The following DCC variants were observed in gnomAD, a reference collection of about 807,000 sequenced individuals.
The protein encoded by DCC is DCC netrin 1 receptor.
Under a neutral mutation model 172.5 loss-of-function variants are expected in DCC, and 58 were observed. The ratio of observed to expected loss-of-function variants is 0.34; its 90% CI spans 0.27 to 0.42. The LOEUF (loss-of-function observed/expected upper bound fraction) is 0.42. DCC is among the 10% of genes least tolerant of loss of function. The pLI, the probability that DCC is intolerant of heterozygous loss-of-function variation, is 1.00. For missense variants in DCC, 1,740 were observed against 1,791.0 expected, an observed-to-expected ratio of 0.97 and a Z score of 0.51; for synonymous variants, 709 against 644.5, an observed-to-expected ratio of 1.10 and a Z score of -1.52.
At chr18:53,131,545 G>C (rs2043651285) in intron 7 of DCC, among the ~76,000 whole-genome samples, 1 of 152,114 alleles carries the variant, frequency 6.6e-6, no homozygotes, top group South Asian at 2.1e-4. Context: ...TGATGACCTG[G>C]CTTTGTGTGT....
chr18:52,624,240 A>G (rs1019068049), intron 1 of DCC, among the ~76,000 whole-genome samples: 2 of 152,222 alleles, frequency 1.3e-5, no homozygotes, highest in African/African-American at 2.4e-5. Context: ...AAAATTTCAT[A>G]TATAAATTAA....
intron 12 of DCC, among the ~76,000 whole-genome samples, chr18:53,255,807 GA>G (rs955960749): frequency 2.6e-4 from 39 of 152,104 alleles, no homozygotes; most frequent in Non-Finnish European, 4.4e-5. Flanking sequence ...CAAAATGGTT[GA>G]ACTAGTTTAC....
At chr18:53,144,009 A>T (rs1003516422) in intron 7 of DCC, among the ~76,000 whole-genome samples, 2 of 152,244 alleles carry the variant, frequency 1.3e-5, no homozygotes, top group Non-Finnish European at 2.9e-5. Flanking sequence ...AAGTTACAAT[A>T]GAATATTCAA....
rs75364764 is a variant in DCC at position 52,928,669 on chromosome 18, C to T, written c.985+3299C>T. Among the ~76,000 whole-genome samples, 54 of 152,246 alleles carry T rather than the reference C, an allele frequency of 3.5e-4. No individual in the cohort carries two copies. In the East Asian group the frequency reaches 9.1e-3, roughly 26 times the overall value. On this transcript the variant is annotated intron_variant, in intron 5 of 28. Transcript: ENST00000442544. ...TGAGACATTTATTTGTTACAGTATC[C>T]TCTGTGGGAAGTACGTAGGTCGAGC...
chr18:52,787,350 A>C (rs1352427386), intron 2 of DCC, among the ~76,000 whole-genome samples: 2 of 152,146 alleles, frequency 1.3e-5, no homozygotes, highest in Non-Finnish European at 2.9e-5. Flanking sequence ...ATGATAAACC[A>C]CATTTTGAGA....
intron 7 of DCC, among the ~76,000 whole-genome samples, chr18:53,132,510 T>C (rs2043673322): frequency 1.3e-5 from 2 of 152,154 alleles, no homozygotes; most frequent in African/African-American, 4.8e-5. Context: ...ATTGTTCTTT[T>C]TCAGATATAT....
At chr18:53,309,757 A>C (rs1599009751) in intron 13 of DCC, among the ~76,000 whole-genome samples, 1 of 152,052 alleles carries the variant, frequency 6.6e-6, no homozygotes, top group South Asian at 2.1e-4. Flanking sequence ...GCCCATTTGC[A>C]TCTTCATAGA....
At chr18:53,026,433 C>G (rs972224686) in intron 5 of DCC, among the ~76,000 whole-genome samples, 2 of 152,062 alleles carry the variant, frequency 1.3e-5, no homozygotes, top group Admixed American at 6.6e-5. Context: ...TTTTTTGATT[C>G]AACATTCTAA....
At chr18:52,788,344 G>A (rs1284701907) in intron 2 of DCC, among the ~76,000 whole-genome samples, 1 of 152,110 alleles carries the variant, frequency 6.6e-6, no homozygotes, top group Non-Finnish European at 1.5e-5. Context: ...GCAACTTTAT[G>A]TATCAGGTGT....
intron 1 of DCC, among the ~76,000 whole-genome samples, chr18:52,564,470 T>G (rs1336231004): frequency 6.6e-6 from 1 of 152,142 alleles, no homozygotes; most frequent in Non-Finnish European, 1.5e-5. Flanking sequence ...AATATATACC[T>G]AATCTCATAA....
At chr18:53,467,786 A>G in intron 24 of DCC, 108 bp from the exon 25 acceptor site, 1 of 769,510 alleles carries the variant, frequency 1.3e-6, no homozygotes, top group East Asian at 2.4e-5. Flanking sequence ...AGATACTATC[A>G]TAGAAAGCAT....
intron 15 of DCC, among the ~76,000 whole-genome samples, chr18:53,359,354 T>C (rs925043405): frequency 1.3e-5 from 2 of 152,196 alleles, no homozygotes; most frequent in Admixed American, 1.3e-4. Flanking sequence ...CTAGTTAGAC[T>C]TACCTGTCAC....
intron 5 of DCC, among the ~76,000 whole-genome samples, chr18:53,054,961 G>T (rs552930167): frequency 3.9e-5 from 6 of 152,146 alleles, no homozygotes; most frequent in Admixed American, 3.3e-4. Context: ...GGTGCAATTG[G>T]TATGAACTTT....
chr18:52,883,700 T>C (rs1396651892), intron 2 of DCC, among the ~76,000 whole-genome samples: 1 of 132,378 alleles, frequency 7.6e-6, no homozygotes, highest in Non-Finnish European at 1.6e-5. Flanking sequence ...TTTTGAGTTG[T>C]TCATTGTTAA....
At chr18:53,505,347 A>ATAAAGAT (rs10693835) in intron 27 of DCC, 1 of 152,118 alleles carries the variant, frequency 6.6e-6, no homozygotes, top group African/African-American at 2.4e-5. Context: ...AAAAAAATAA[A>ATAAAGAT]GATGAGCATA....
intron 8 of DCC, among the ~76,000 whole-genome samples, chr18:53,171,066 C>T (rs1220320841): frequency 6.6e-6 from 1 of 151,864 alleles, no homozygotes; most frequent in African/African-American, 2.4e-5. Flanking sequence ...TGTATTTTTA[C>T]TAGAGAGAGG....
chr18:52,837,550 A>G (rs2038727812), intron 2 of DCC, among the ~76,000 whole-genome samples: 1 of 152,182 alleles, frequency 6.6e-6, no homozygotes, highest in African/African-American at 2.4e-5. Context: ...TAAGTTCTCC[A>G]TCTCCATCTG....
chr18:53,096,171 A>C (rs541881815), intron 7 of DCC, among the ~76,000 whole-genome samples: 3 of 152,022 alleles, frequency 2.0e-5, no homozygotes, highest in South Asian at 4.1e-4. Flanking sequence ...TAAATAAATA[A>C]ATAAATTTTA....
intron 22 of DCC, among the ~76,000 whole-genome samples, chr18:53,444,205 A>G (rs1020558001): frequency 6.6e-6 from 1 of 152,236 alleles, no homozygotes; most frequent in Non-Finnish European, 1.5e-5. Context: ...CTTGAAAGGA[A>G]TGATCAATTG....
Sources: allele counts gnomAD v4.1 joint callset (sites outside exome capture counted in the v4.1 genomes callset), GRCh38; gene constraint gnomAD v4.1.1; transcripts MANE v1.5; gene names NCBI Gene and HGNC (gene_info 2026-07-23, HGNC 2026-07-21).